AFG2A: variants seen among roughly 807,000 people sequenced by gnomAD.
The protein encoded by AFG2A is ATPase family gene 2 protein homolog A.
chr4:123,035,452 A>C, the AFG2A span, among the ~76,000 whole-genome samples: 1 of 152,150 alleles, frequency 6.6e-6, no homozygotes, highest in Non-Finnish European at 1.5e-5. Context: ...GCAGTTATTA[A>C]CATCAATATT....
chr4:123,141,269 T>A, the AFG2A span, among the ~76,000 whole-genome samples: 1 of 152,188 alleles, frequency 6.6e-6, no homozygotes, highest in Non-Finnish European at 1.5e-5. Context: ...TGGGTGCTTT[T>A]AAAAATTATA....
At chr4:122,963,680 G>A in the AFG2A span, among the ~76,000 whole-genome samples, 1 of 152,186 alleles carries the variant, frequency 6.6e-6, no homozygotes, top group Admixed American at 6.5e-5. Flanking sequence ...GAGGTCATGG[G>A]AGTGTGGAAG....
the AFG2A span, among the ~76,000 whole-genome samples, chr4:122,968,823 A>T: frequency 7.9e-5 from 12 of 152,148 alleles, no homozygotes; most frequent in Admixed American, 7.9e-4. Context: ...GGGTGCTGAC[A>T]TGGAGTTTAT....
At chr4:122,961,868 G>A in the AFG2A span, among the ~76,000 whole-genome samples, 1 of 152,192 alleles carries the variant, frequency 6.6e-6, no homozygotes, top group African/African-American at 2.4e-5. Flanking sequence ...GTGTCATAGA[G>A]CAACAGTAGT....
chr4:122,956,309 T>C, the AFG2A span, among the ~76,000 whole-genome samples: 1 of 152,182 alleles, frequency 6.6e-6, no homozygotes, highest in Non-Finnish European at 1.5e-5. Context: ...CATTATTTGA[T>C]TGAATCCTCC....
the AFG2A span, among the ~76,000 whole-genome samples, chr4:123,019,493 T>G: frequency 2.0e-5 from 3 of 152,214 alleles, no homozygotes; most frequent in African/African-American, 7.2e-5. Context: ...AGATAATTCT[T>G]ACATCCTTCT....
the AFG2A span, chr4:123,056,556 G>T: frequency 4.3e-6 from 3 of 694,436 alleles, no homozygotes; most frequent in South Asian, 4.9e-5. Context: ...AGATCTTAGT[G>T]GTATTTTTTT....
At chr4:123,267,469 G>A in the AFG2A span, among the ~76,000 whole-genome samples, 1 of 151,958 alleles carries the variant, frequency 6.6e-6, no homozygotes, top group Non-Finnish European at 1.5e-5. Flanking sequence ...CTTTACCATT[G>A]TGGAAGTTCC....
the AFG2A span, among the ~76,000 whole-genome samples, chr4:122,968,320 A>C: frequency 5.9e-5 from 9 of 152,192 alleles, no homozygotes; most frequent in African/African-American, 2.2e-4. Context: ...TGTATACATA[A>C]GAGAGCATAA....
At chr4:123,065,826 A>G in the AFG2A span, among the ~76,000 whole-genome samples, 1 of 152,194 alleles carries the variant, frequency 6.6e-6, no homozygotes, top group Admixed American at 6.5e-5. Context: ...AAAAAAAATT[A>G]TCCTAGATAT....
the AFG2A span, among the ~76,000 whole-genome samples, chr4:123,022,970 A>G: frequency 6.8e-5 from 10 of 146,450 alleles, no homozygotes; most frequent in African/African-American, 2.5e-4. Flanking sequence ...TCACTCATAG[A>G]TGGGAATTGA....
chr4:123,284,394 G>A, the AFG2A span, among the ~76,000 whole-genome samples: 1 of 152,208 alleles, frequency 6.6e-6, no homozygotes, highest in Non-Finnish European at 1.5e-5. Context: ...AGCTGTCTGG[G>A]CTTAGGCCCA....
At chr4:123,251,295 C>G in the AFG2A span, among the ~76,000 whole-genome samples, 1 of 152,060 alleles carries the variant, frequency 6.6e-6, no homozygotes, top group Non-Finnish European at 1.5e-5. Flanking sequence ...GGCTGTATCC[C>G]CAGCAAGTAA....
At chr4:123,187,871 T>G in the AFG2A span, among the ~76,000 whole-genome samples, 2 of 151,888 alleles carry the variant, frequency 1.3e-5, no homozygotes, top group Admixed American at 1.3e-4. Context: ...TGGCACATGC[T>G]TGTAGTCCCA....
chr4:123,282,253 T>C, the AFG2A span, among the ~76,000 whole-genome samples: 1 of 152,164 alleles, frequency 6.6e-6, no homozygotes, highest in Admixed American at 6.5e-5. Flanking sequence ...ATAAAAAGGC[T>C]ACTCACTGAG....
chr4:123,132,316 C>A, the AFG2A span, among the ~76,000 whole-genome samples: 1 of 152,062 alleles, frequency 6.6e-6, no homozygotes, highest in African/African-American at 2.4e-5. Flanking sequence ...CCCAACCATT[C>A]TATTCTCTGT....
At chr4:122,975,884 C>T in the AFG2A span, among the ~76,000 whole-genome samples, 1 of 152,148 alleles carries the variant, frequency 6.6e-6, no homozygotes, top group South Asian at 2.1e-4. Context: ...TGTAAGATGT[C>T]CTAAAGAAGT....
the AFG2A span, among the ~76,000 whole-genome samples, chr4:123,271,856 T>A: frequency 2.4e-5 from 2 of 84,432 alleles, no homozygotes; most frequent in African/African-American, 3.7e-5. Context: ...CTGAGTATTA[T>A]TCCTAATATG....
the AFG2A span, among the ~76,000 whole-genome samples, chr4:123,054,029 G>A: frequency 6.6e-6 from 1 of 152,160 alleles, no homozygotes; most frequent in African/African-American, 2.4e-5. Context: ...CAACTTCCAG[G>A]TTCACTACTG....
Sources: gnomAD v4.1 joint callset for allele counts (sites outside exome capture counted in the v4.1 genomes callset) on GRCh38, gnomAD v4.1.1 for gene constraint, MANE v1.5 for transcripts, NCBI Gene and HGNC (gene_info 2026-07-23, HGNC 2026-07-21) for gene names.